Variants in MAML2 observed in about 807,000 individuals in gnomAD.
MAML2 encodes the protein mastermind like transcriptional coactivator 2, also known as mastermind-like protein 2.
In MAML2, 22 loss-of-function variants were observed where a neutral mutation model predicts 96.1. The ratio of observed to expected loss-of-function variants is 0.23; its 90% CI spans 0.16 to 0.33. The LOEUF (loss-of-function observed/expected upper bound fraction) is 0.33. MAML2 is among the 10% of genes least tolerant of loss of function. The pLI, the probability that MAML2 is intolerant of heterozygous loss-of-function variation, is 1.00. For synonymous variants in MAML2, 561 were observed against 521.3 expected, an observed-to-expected ratio of 1.08 and a Z score of -1.04; for missense variants, 1,367 against 1,392.4, an observed-to-expected ratio of 0.98 and a Z score of 0.29.
intron 2 of MAML2, among the ~76,000 whole-genome samples, chr11:96,045,571 CAACA>C (rs989727793): frequency 3.3e-5 from 5 of 152,130 alleles, no homozygotes; most frequent in African/African-American, 1.2e-4. Flanking sequence ...CAAAACAAAA[CAACA>C]ATCAGAAAGA....
chr11:96,310,795 A>C (rs1423572841), intron 1 of MAML2, among the ~76,000 whole-genome samples: 1 of 152,190 alleles, frequency 6.6e-6, no homozygotes. Context: ...TTCTGCGTCC[A>C]GTGTTGTAAA....
chr11:95,999,609 CT>C (rs1477670199), intron 2 of MAML2, among the ~76,000 whole-genome samples: 1 of 149,456 alleles, frequency 6.7e-6, no homozygotes, highest in East Asian at 2.0e-4. Context: ...AAATATTTGT[CT>C]TGTTCTAGGC....
chr11:96,073,447 A>T (rs1159940310), intron 2 of MAML2, among the ~76,000 whole-genome samples: 1 of 151,672 alleles, frequency 6.6e-6, no homozygotes, highest in Non-Finnish European at 1.5e-5. Context: ...CAGCCTCCCA[A>T]GTAGCTGGGA....
intron 1 of MAML2, among the ~76,000 whole-genome samples, chr11:96,150,477 GA>G (rs761383326): frequency 1.2e-4 from 19 of 152,134 alleles, no homozygotes; most frequent in Admixed American, 6.5e-5. Context: ...CTAGTAAGGG[GA>G]TGGAGAGAGA....
intron 1 of MAML2, among the ~76,000 whole-genome samples, chr11:96,246,819 T>C (rs1402903788): frequency 6.6e-6 from 1 of 152,126 alleles, no homozygotes; most frequent in East Asian, 1.9e-4. Flanking sequence ...GAGGAAACCG[T>C]TGTGGACACA....
Position 96,285,326 on chromosome 11 carries a change from A to G in MAML2, c.513+56057T>C, listed in dbSNP as rs78403722. ...CTTCCTTCAAACTTACACAAAAAGT[A>G]AGATGGATTAAAGACTTAAATGTAA... On this transcript the variant is annotated intron_variant, in intron 1 of 4. Transcript: ENST00000524717. Among the ~76,000 whole-genome samples, 296 of 152,334 alleles carry G rather than the reference A, an allele frequency of 1.9e-3. 2 individuals are homozygous for G. The highest frequency in any genetic ancestry group is 6.9e-3 in the African/African-American group (285 of 41,576).
chr11:96,039,428 G>A (rs763993194), intron 2 of MAML2, among the ~76,000 whole-genome samples: 1 of 151,656 alleles, frequency 6.6e-6, no homozygotes, highest in Non-Finnish European at 1.5e-5. Context: ...GGGAAGAGGA[G>A]AGGAGGGAAC....
chr11:96,252,901 GTCCC>G (rs1183330414), intron 1 of MAML2, among the ~76,000 whole-genome samples: 1 of 152,160 alleles, frequency 6.6e-6, no homozygotes, highest in East Asian at 1.9e-4. Context: ...ACTGCATAAA[GTCCC>G]TTGCCTGGTT....
At chr11:96,203,854 G>C (rs181840523) in intron 1 of MAML2, among the ~76,000 whole-genome samples, 19 of 152,206 alleles carry the variant, frequency 1.2e-4, no homozygotes, top group Non-Finnish European at 2.2e-4. Flanking sequence ...AATAATATGA[G>C]TGCAAAAACA....
At chr11:95,982,486 A>C (rs1486445880) in intron 4 of MAML2, among the ~76,000 whole-genome samples, 1 of 152,166 alleles carries the variant, frequency 6.6e-6, no homozygotes. Flanking sequence ...TACAGGTATG[A>C]GACTAGTGAT....
chr11:96,001,558 T>A (rs1222406600), intron 2 of MAML2, among the ~76,000 whole-genome samples: 1 of 152,146 alleles, frequency 6.6e-6, no homozygotes, highest in Non-Finnish European at 1.5e-5. Flanking sequence ...CTAATAATTT[T>A]GTCTACAATT....
chr11:96,167,768 T>G (rs1385785060), intron 1 of MAML2, among the ~76,000 whole-genome samples: 1 of 152,210 alleles, frequency 6.6e-6, no homozygotes, highest in African/African-American at 2.4e-5. Context: ...ACCTAATATT[T>G]GTAAAATACT....
chr11:96,015,659 C>T (rs555686090), intron 2 of MAML2, among the ~76,000 whole-genome samples: 22 of 150,026 alleles, frequency 1.5e-4, no homozygotes, highest in Non-Finnish European at 2.8e-4. Flanking sequence ...ATCCTTTATG[C>T]CATGGGGAAG....
chr11:96,193,369 A>C (rs748844811), intron 1 of MAML2, among the ~76,000 whole-genome samples: 7 of 152,146 alleles, frequency 4.6e-5, no homozygotes, highest in Non-Finnish European at 7.4e-5. Flanking sequence ...ACTCCATTTC[A>C]ACAACAACAA....
In MAML2 at chr11:96,120,470, A is replaced by C. The variant is rs75752689; in HGVS notation, c.514-26953T>G. On this transcript the variant is annotated intron_variant, in intron 1 of 4. Transcript: ENST00000524717. Reference sequence around the variant, plus strand: ...TCTCCACATGCTCAGGTATGAAGCCAGAAGCCCAGATCCTGACAGATCGCA... The same window carrying C: ...TCTCCACATGCTCAGGTATGAAGCCCGAAGCCCAGATCCTGACAGATCGCA... 9.1e-3 allele frequency among the ~76,000 whole-genome samples: 1,388 copies of C among 152,348 alleles called. 17 individuals are homozygous for C. The highest frequency in any genetic ancestry group is 0.032 in the African/African-American group (1,311 of 41,584).
intron 2 of MAML2, among the ~76,000 whole-genome samples, chr11:96,070,765 C>T (rs910388878): frequency 2.6e-5 from 4 of 152,270 alleles, no homozygotes; most frequent in Non-Finnish European, 5.9e-5. Context: ...CCGAACAAAA[C>T]TCAGGCAAAA....
chr11:96,056,295 C>T lies in MAML2; in HGVS notation c.2139+35597G>A, dbSNP rs560735047. Among the ~76,000 whole-genome samples, 5 of 150,060 alleles carry T rather than the reference C, an allele frequency of 3.3e-5. No homozygotes were observed. The South Asian group carries it at 1.1e-3, about 32-fold the overall frequency. ...GGGGTCTGGAGCTAGTTTGCCCAAACTGAGCCATTGGAAAGGATTCTAAAA... is the reference window on the plus strand; with the variant it reads ...GGGGTCTGGAGCTAGTTTGCCCAAATTGAGCCATTGGAAAGGATTCTAAAA... On this transcript the variant is annotated intron_variant, in intron 2 of 4. Transcript: ENST00000524717.
At chr11:96,018,998 G>C (rs1310747134) in intron 2 of MAML2, among the ~76,000 whole-genome samples, 1 of 152,188 alleles carries the variant, frequency 6.6e-6, no homozygotes, top group Non-Finnish European at 1.5e-5. Flanking sequence ...AAATGAGTTT[G>C]AGACAAAATG....
Position 95,977,459 on chromosome 11 carries a change from T to C in MAML2, c.*1489A>G. 5.2e-6 allele frequency: 1 copy of C among 191,936 alleles called. No homozygotes were observed. 11.9% of individuals were successfully genotyped at this position (191,936 alleles called of 1,614,324 possible). ...TGTGTTCTTTTTCTTTGAACAGATA[T>C]TGAAAGACTTGATTATTAAATAACT... On this transcript the variant is annotated 3_prime_UTR_variant, in exon 5 of 5. Coordinates refer to ENST00000524717, the MANE Select transcript of MAML2 (RefSeq NM_032427.4).
Sources: allele counts gnomAD v4.1 joint callset (sites outside exome capture counted in the v4.1 genomes callset), GRCh38; gene constraint gnomAD v4.1.1; transcripts MANE v1.5; gene names NCBI Gene and HGNC (gene_info 2026-07-23, HGNC 2026-07-21).